Variants in SLCO3A1 observed in about 807,000 individuals in gnomAD.
SLCO3A1 encodes the protein PGE1 transporter.
Under a neutral mutation model 63.1 loss-of-function variants are expected in SLCO3A1, and 27 were observed. The ratio of observed to expected loss-of-function variants is 0.43; its 90% CI spans 0.32 to 0.59. The LOEUF (loss-of-function observed/expected upper bound fraction) is 0.59. Among genes scored for constraint, SLCO3A1 ranks in the 20% least tolerant of loss-of-function variants. SLCO3A1 has a pLI of 0.09. For synonymous variants in SLCO3A1, 473 were observed against 409.9 expected, an observed-to-expected ratio of 1.15 and a Z score of -1.86; for missense variants, 773 against 945.8, an observed-to-expected ratio of 0.82 and a Z score of 2.40.
At chr15:92,162,029 G>A (rs1247950714) in intron 9 of SLCO3A1, 2 of 151,668 alleles carry the variant, frequency 1.3e-5, no homozygotes, top group Non-Finnish European at 2.9e-5. Context: ...CTTCAAGGAA[G>A]ACCGTCTTGG....
rs776298870 is a variant in SLCO3A1 at position 91,968,546 on chromosome 15, G to A, written c.646+52088G>A. 5.3e-4 allele frequency among the ~76,000 whole-genome samples: 80 copies of A among 152,136 alleles called. No homozygotes were observed. The highest frequency in any genetic ancestry group is 9.7e-4 in the Non-Finnish European group (66 of 68,028). The stretch of plus-strand genomic sequence containing the variant: ...GCTCCACAAACCACCGTGGGGACCA[G>A]TGGCATCAAATTCTGGTGCTAACAA... On this transcript the variant is annotated intron_variant, in intron 2 of 9. Transcript: ENST00000318445. The surrounding 1 kb of genome is among the most constrained non-coding windows in gnomAD (Gnocchi z 4.2).
chr15:91,855,159 T>C (rs181857266), intron 1 of SLCO3A1, among the ~76,000 whole-genome samples: 5 of 152,328 alleles, frequency 3.3e-5, no homozygotes, highest in African/African-American at 1.2e-4. Context: ...TTTTGGCCAT[T>C]GAATAACCAC....
intron 2 of SLCO3A1, among the ~76,000 whole-genome samples, chr15:92,085,049 C>T (rs2047389177): frequency 1.3e-5 from 2 of 152,220 alleles, no homozygotes; most frequent in South Asian, 4.1e-4. Flanking sequence ...TCATTTATTA[C>T]TCACCACAGC....
chr15:92,059,119 T>C (rs2047055819), intron 2 of SLCO3A1, among the ~76,000 whole-genome samples: 1 of 152,188 alleles, frequency 6.6e-6, no homozygotes, highest in South Asian at 2.1e-4. Flanking sequence ...GGGGAAGCAG[T>C]TGGAAGTCTC....
chr15:92,143,145 C>T (rs1437613386), intron 7 of SLCO3A1, among the ~76,000 whole-genome samples: 1 of 150,052 alleles, frequency 6.7e-6, no homozygotes, highest in Non-Finnish European at 1.5e-5. Context: ...AACAAGACCA[C>T]AGCCACCCAC....
At chr15:92,096,570 G>A (rs1414247689) in intron 3 of SLCO3A1, among the ~76,000 whole-genome samples, 1 of 152,118 alleles carries the variant, frequency 6.6e-6, no homozygotes, top group Non-Finnish European at 1.5e-5. Context: ...CAGAGGGTGA[G>A]AAGCCATTCC....
At chr15:92,072,211 T>TG (rs1461559133) in intron 2 of SLCO3A1, among the ~76,000 whole-genome samples, 3 of 152,110 alleles carry the variant, frequency 2.0e-5, no homozygotes, top group African/African-American at 7.2e-5. Flanking sequence ...GGTTTTTTTT[T>TG]TTTTTCCTCA....
intron 2 of SLCO3A1, among the ~76,000 whole-genome samples, chr15:92,091,105 C>A (rs1017536713): frequency 6.6e-6 from 1 of 152,190 alleles, no homozygotes; most frequent in Admixed American, 6.5e-5. Context: ...CGTGCTGGGG[C>A]CAGGTGCTGA....
chr15:92,047,712 T>C (rs920533376), intron 2 of SLCO3A1, among the ~76,000 whole-genome samples: 1 of 141,270 alleles, frequency 7.1e-6, no homozygotes, highest in East Asian at 2.0e-4. Flanking sequence ...AAAACCTGTG[T>C]CATTCAAAAC....
intron 2 of SLCO3A1, among the ~76,000 whole-genome samples, chr15:91,959,751 A>G: frequency 6.6e-6 from 1 of 150,992 alleles, no homozygotes; most frequent in East Asian, 1.9e-4. Context: ...AAAGAAAAGT[A>G]TAAAAAATAT....
At chr15:91,911,534 G>C (rs1276578845) in intron 1 of SLCO3A1, among the ~76,000 whole-genome samples, 1 of 152,114 alleles carries the variant, frequency 6.6e-6, no homozygotes, top group Non-Finnish European at 1.5e-5. Flanking sequence ...GTATGTGCCT[G>C]GTGCCTGAAT....
At chr15:91,987,578 C>G (rs935985880) in intron 2 of SLCO3A1, among the ~76,000 whole-genome samples, 3 of 151,912 alleles carry the variant, frequency 2.0e-5, no homozygotes, top group Admixed American at 6.6e-5. Flanking sequence ...TCCGTCTCTA[C>G]TAGAAGCTAC....
intron 1 of SLCO3A1, among the ~76,000 whole-genome samples, chr15:91,898,015 C>T (rs374216988): frequency 6.6e-6 from 1 of 152,166 alleles, no homozygotes; most frequent in Non-Finnish European, 1.5e-5. Flanking sequence ...TCTTGGCTTG[C>T]GTTAAGGTGC....
intron 2 of SLCO3A1, among the ~76,000 whole-genome samples, chr15:92,054,850 A>G (rs1037692815): frequency 2.0e-5 from 3 of 152,156 alleles, no homozygotes; most frequent in Admixed American, 6.5e-5. Context: ...CCAGTCTGTC[A>G]TTGATGGGCA....
At position 91,948,841 on chromosome 15, in the gene SLCO3A1, G is replaced by A. The variant is rs1023613761; in HGVS notation, c.646+32383G>A. ...GCATGTGCCAGCCTCCTTGCCAAGT[G>A]TCTCAGAGCCTGCAGAGCACCATCC... On this transcript the variant is annotated intron_variant, in intron 2 of 9. Coordinates refer to ENST00000318445, the MANE Select transcript of SLCO3A1 (RefSeq NM_013272.4). The surrounding 1 kb of genome is among the most constrained non-coding windows in gnomAD (Gnocchi z 4.8). Among the ~76,000 whole-genome samples, 2 of 152,060 alleles carry A rather than the reference G, an allele frequency of 1.3e-5. No homozygotes were observed. The highest frequency in any genetic ancestry group is 2.4e-5 in the African/African-American group (1 of 41,408).
chr15:91,976,895 A>C (rs1901135151), intron 2 of SLCO3A1, among the ~76,000 whole-genome samples: 1 of 152,182 alleles, frequency 6.6e-6, no homozygotes, highest in Non-Finnish European at 1.5e-5. Flanking sequence ...GGGCGAGATC[A>C]CAGGACCACA....
At chr15:91,924,699 T>C (rs540432264) in intron 2 of SLCO3A1, among the ~76,000 whole-genome samples, 1 of 152,310 alleles carries the variant, frequency 6.6e-6, no homozygotes, top group Admixed American at 6.5e-5. Context: ...GTAACACCAC[T>C]GCTGAGCGGA....
chr15:92,091,950 C>T (rs1182706534), intron 2 of SLCO3A1, among the ~76,000 whole-genome samples: 2 of 152,214 alleles, frequency 1.3e-5, no homozygotes, highest in East Asian at 3.9e-4. Context: ...GAGAGGCTGC[C>T]TCAGGGTGTG....
At chr15:92,080,497 G>A (rs918522638) in intron 2 of SLCO3A1, among the ~76,000 whole-genome samples, 3 of 152,158 alleles carry the variant, frequency 2.0e-5, no homozygotes, top group Non-Finnish European at 4.4e-5. Context: ...AGAAAATCTA[G>A]GAAGGCCCCT....
Sources: gnomAD v4.1 joint callset for allele counts (sites outside exome capture counted in the v4.1 genomes callset) on GRCh38, gnomAD v4.1.1 for gene constraint, Gnocchi (gnomAD v3.1) non-coding constraint, MANE v1.5 for transcripts, NCBI Gene and HGNC (gene_info 2026-07-23, HGNC 2026-07-21) for gene names.